The following RBFOX2 variants were observed in gnomAD, a reference collection of about 807,000 sequenced individuals.
The protein encoded by RBFOX2 is RNA binding protein fox-1 homolog 2.
A neutral mutation model predicts 49.1 loss-of-function variants in RBFOX2; 10 were observed. The ratio of observed to expected loss-of-function variants is 0.20; its 90% CI spans 0.13 to 0.35. The LOEUF is 0.35. Ranked by LOEUF, RBFOX2 falls within the 10% of genes least tolerant of loss-of-function variation. The probability of loss-of-function intolerance (pLI) is 1.00; values close to 1 mark genes in which losing one functional copy is unlikely to be tolerated. For missense variants in RBFOX2, 323 were observed against 486.9 expected, an observed-to-expected ratio of 0.66 and a Z score of 3.17; for synonymous variants, 183 against 187.4, an observed-to-expected ratio of 0.98 and a Z score of 0.19.
chr22:35,968,623 G>A (rs951809481), intron 1 of RBFOX2, among the ~76,000 whole-genome samples: 3 of 152,134 alleles, frequency 2.0e-5, no homozygotes, highest in African/African-American at 4.8e-5. Flanking sequence ...ACAGACAAAG[G>A]TTTGACCTGA....
Position 36,028,199 on chromosome 22 carries a change from C to G in RBFOX2, c.186+41G>C, listed in dbSNP as rs75503894. The G allele has an allele frequency of 5.2e-3, 7,456 of 1,446,106 alleles. 357 individuals carry two copies. The African/African-American group carries it at 0.099, about 19-fold the overall frequency. 89.6% of individuals were successfully genotyped at this position (1,446,106 alleles called of 1,614,324 possible). A position where few individuals can be genotyped will look rare whatever the true frequency, so the allele number is the denominator to read the frequency against. On this transcript the variant is annotated intron_variant, in intron 1 of 13. Coordinates refer to the RBFOX2 transcript ENST00000438146. ...GGGAGCCCGGTGTCGACCCTCACGC[C>G]CACCCCCGCAATAACTGGGCGCCCC...
At chr22:35,950,862 G>A (rs554724069) in intron 1 of RBFOX2, among the ~76,000 whole-genome samples, 1 of 151,730 alleles carries the variant, frequency 6.6e-6, no homozygotes, top group African/African-American at 2.4e-5. Flanking sequence ...TCTTATTATA[G>A]ATACAGCAGA....
intron 1 of RBFOX2, among the ~76,000 whole-genome samples, chr22:35,895,744 T>C (rs1205910388): frequency 6.6e-6 from 1 of 152,204 alleles, no homozygotes; most frequent in South Asian, 2.1e-4. Flanking sequence ...ACTATCATTA[T>C]GGCCTGGGGA....
chr22:35,793,018 C>T (rs774405770), intron 2 of RBFOX2, among the ~76,000 whole-genome samples: 10 of 152,228 alleles, frequency 6.6e-5, no homozygotes, highest in Non-Finnish European at 1.2e-4. Flanking sequence ...CAGGCCTAAG[C>T]TTCCCAGGTT....
intron 1 of RBFOX2, among the ~76,000 whole-genome samples, chr22:36,003,356 C>G (rs1044587731): frequency 6.6e-6 from 1 of 152,032 alleles, no homozygotes. Flanking sequence ...TGTAATAATT[C>G]AAAAAGAAAA....
intron 1 of RBFOX2, among the ~76,000 whole-genome samples, chr22:35,878,865 G>A (rs540181272): frequency 6.6e-6 from 1 of 152,222 alleles, no homozygotes; most frequent in East Asian, 1.9e-4. Flanking sequence ...AGAGTGGCTG[G>A]GACTACAGGC....
intron 1 of RBFOX2, among the ~76,000 whole-genome samples, chr22:35,896,781 C>T (rs1016385375): frequency 6.6e-6 from 1 of 152,186 alleles, no homozygotes; most frequent in Non-Finnish European, 1.5e-5. Flanking sequence ...CTACATAGAA[C>T]CTCTCTGCTT....
intron 1 of RBFOX2, among the ~76,000 whole-genome samples, chr22:36,006,936 G>A (rs2058640758): frequency 6.6e-6 from 1 of 152,182 alleles, no homozygotes; most frequent in African/African-American, 2.4e-5. Context: ...GTTCTGTAAT[G>A]AAAGGCTGCT....
At chr22:36,028,179 C>G in intron 1 of RBFOX2, 61 bp downstream of exon 1, 5 of 1,395,664 alleles carry the variant, frequency 3.6e-6, no homozygotes, top group Non-Finnish European at 4.6e-6. Context: ...AGCCGGGGAG[C>G]CCGGTGTCGA....
At chr22:35,899,177 C>CAT (rs1228021585) in intron 1 of RBFOX2, among the ~76,000 whole-genome samples, 1 of 149,502 alleles carries the variant, frequency 6.7e-6, no homozygotes, top group Admixed American at 6.7e-5. Context: ...CATAACATAA[C>CAT]AAACATAAAA....
chr22:35,942,640 G>A (rs905343171), upstream of RBFOX2, among the ~76,000 whole-genome samples: 6 of 150,962 alleles, frequency 4.0e-5, no homozygotes, highest in African/African-American at 1.2e-4. Flanking sequence ...GAAATGGCTA[G>A]CTACACAGAA....
intron 5 of RBFOX2, among the ~76,000 whole-genome samples, chr22:35,767,957 A>G (rs1941518007): frequency 6.6e-6 from 1 of 152,208 alleles, no homozygotes; most frequent in African/African-American, 2.4e-5. Flanking sequence ...AAAAAAATCA[A>G]GAGAGCAGAA....
chr22:35,838,255 ATTTCT>A (rs1474436272), intron 1 of RBFOX2, among the ~76,000 whole-genome samples: 1 of 141,726 alleles, frequency 7.1e-6, no homozygotes, highest in Non-Finnish European at 1.5e-5. Flanking sequence ...ATAAAGCAGT[ATTTCT>A]TTTCTTTTTT....
intron 1 of RBFOX2, 116 bp downstream of exon 1, chr22:36,028,124 A>ACC: frequency 1.6e-6 from 2 of 1,267,514 alleles, no homozygotes; most frequent in Non-Finnish European, 2.0e-6. Context: ...ATGGCCCCCC[A>ACC]TCCCACCTCC....
intron 1 of RBFOX2, among the ~76,000 whole-genome samples, chr22:35,827,446 T>C (rs547591657): frequency 1.3e-5 from 2 of 152,326 alleles, no homozygotes; most frequent in Admixed American, 1.3e-4. Flanking sequence ...CTAATGACTT[T>C]TTTCCCCCCA....
intron 1 of RBFOX2, among the ~76,000 whole-genome samples, chr22:35,916,605 TGAG>T (rs1437101822): frequency 1.3e-5 from 2 of 152,020 alleles, no homozygotes; most frequent in African/African-American, 2.4e-5. Context: ...TTAATAGTAA[TGAG>T]GAGTGGGCCG....
chr22:35,925,565 T>C (rs1327382886), intron 1 of RBFOX2, among the ~76,000 whole-genome samples: 3 of 152,142 alleles, frequency 2.0e-5, no homozygotes, highest in Non-Finnish European at 4.4e-5. Flanking sequence ...CCTGGGACAC[T>C]GAGTCAGCTC....
At chr22:35,765,647 T>TA (rs958485822) in intron 5 of RBFOX2, among the ~76,000 whole-genome samples, 164 bp from the exon 7 acceptor site, 1 of 152,078 alleles carries the variant, frequency 6.6e-6, no homozygotes, top group Non-Finnish European at 1.5e-5. Context: ...TATAGTATTT[T>TA]AATTAAAGTT....
intron 2 of RBFOX2, among the ~76,000 whole-genome samples, chr22:35,807,066 A>C (rs1950886032): frequency 6.6e-6 from 1 of 152,170 alleles, no homozygotes; most frequent in African/African-American, 2.4e-5. Context: ...GGCCTCCCAA[A>C]GTGTTGGGAT....
Sources: gnomAD v4.1 joint callset for allele counts (sites outside exome capture counted in the v4.1 genomes callset) on GRCh38, gnomAD v4.1.1 for gene constraint, MANE v1.5 for transcripts, NCBI Gene and HGNC (gene_info 2026-07-23, HGNC 2026-07-21) for gene names.